The following ENTREP1 variants were observed in gnomAD, a reference collection of about 807,000 sequenced individuals.
ENTREP1 encodes the protein endosomal transmembrane epsin interactor 1.
chr9:69,338,192 A>C, the ENTREP1 span, among the ~76,000 whole-genome samples: 1 of 152,220 alleles, frequency 6.6e-6, no homozygotes, highest in African/African-American at 2.4e-5. Context: ...AGAGAAATTG[A>C]AACTTTGGAT....
chr9:69,346,035 G>A, the ENTREP1 span, among the ~76,000 whole-genome samples: 4 of 151,762 alleles, frequency 2.6e-5, no homozygotes, highest in East Asian at 7.8e-4. Context: ...AGGCTGGAGT[G>A]CAGTGGTGGC....
At chr9:69,338,640 C>T in the ENTREP1 span, among the ~76,000 whole-genome samples, 2 of 152,176 alleles carry the variant, frequency 1.3e-5, no homozygotes, top group South Asian at 2.1e-4. Context: ...AGTATATGCA[C>T]TTTGTCACAA....
the ENTREP1 span, among the ~76,000 whole-genome samples, chr9:69,353,909 C>T: frequency 0.79 from 120,752 of 151,958 alleles, 48,101 homozygotes; most frequent in South Asian, 0.87. Flanking sequence ...AAATATACCC[C>T]GAAGTTGAGA....
the ENTREP1 span, among the ~76,000 whole-genome samples, chr9:69,340,748 T>C: frequency 1.7e-5 from 2 of 115,038 alleles, no homozygotes; most frequent in East Asian, 2.4e-4. Flanking sequence ...TGTGTGTGTT[T>C]GTGTGTGTGC....
chr9:69,359,181 C>T, the ENTREP1 span, among the ~76,000 whole-genome samples: 1 of 152,140 alleles, frequency 6.6e-6, no homozygotes, highest in African/African-American at 2.4e-5. Context: ...GCTGGGATTA[C>T]AGACGTGAGC....
the ENTREP1 span, chr9:69,325,418 C>T: frequency 5.0e-6 from 5 of 998,216 alleles, no homozygotes; most frequent in East Asian, 3.8e-4. Flanking sequence ...TCAGGAGCCG[C>T]CGCTGCCCCC....
chr9:69,379,620 CG>C, the ENTREP1 span: 4 of 152,176 alleles, frequency 2.6e-5, no homozygotes, highest in African/African-American at 9.7e-5. Context: ...ATCTTAGCGC[CG>C]TCTCAGGCTG....
the ENTREP1 span, among the ~76,000 whole-genome samples, chr9:69,330,045 A>C: frequency 2.0e-4 from 10 of 50,856 alleles, no homozygotes; most frequent in East Asian, 1.0e-3. Context: ...GGGGTATGGG[A>C]GTTAATGTTA....
At chr9:69,343,372 G>A in the ENTREP1 span, among the ~76,000 whole-genome samples, 2 of 152,204 alleles carry the variant, frequency 1.3e-5, no homozygotes, top group Non-Finnish European at 2.9e-5. Context: ...AGGGAGAGCA[G>A]CTCTTTGCCA....
chr9:69,388,106 A>G, the ENTREP1 span: 25 of 1,613,394 alleles, frequency 1.5e-5, no homozygotes, highest in East Asian at 5.6e-4. Flanking sequence ...GTACAGGCAT[A>G]TGTTCAAAAG....
chr9:69,324,860 G>A, the ENTREP1 span: 1 of 985,334 alleles, frequency 1.0e-6, no homozygotes, highest in Non-Finnish European at 1.2e-6. Flanking sequence ...AGCTCGGCGG[G>A]TGGGGACAGA....
chr9:69,382,422 C>T, the ENTREP1 span: 1 of 152,192 alleles, frequency 6.6e-6, no homozygotes, highest in African/African-American at 2.4e-5. Flanking sequence ...GCTAGTGCCT[C>T]GCTTCCAACT....
the ENTREP1 span, among the ~76,000 whole-genome samples, chr9:69,354,521 G>A: frequency 6.6e-6 from 1 of 152,180 alleles, no homozygotes. Flanking sequence ...GCCTCCCAAA[G>A]TGCTGGGATT....
the ENTREP1 span, chr9:69,388,152 C>G: frequency 6.2e-7 from 1 of 1,613,972 alleles, no homozygotes; most frequent in Non-Finnish European, 8.5e-7. Context: ...TTGTTTCTGC[C>G]CACAGCTGCC....
chr9:69,391,557 GTAAAGCTTAC>G, the ENTREP1 span: 2 of 1,567,434 alleles, frequency 1.3e-6, no homozygotes, highest in Non-Finnish European at 1.8e-6. Context: ...GCCACATCTG[GTAAAGCTTAC>G]TTAACTTCTC....
the ENTREP1 span, among the ~76,000 whole-genome samples, chr9:69,379,418 G>A: frequency 6.6e-6 from 1 of 152,202 alleles, no homozygotes; most frequent in Non-Finnish European, 1.5e-5. Context: ...GGTGACAGGT[G>A]GCCTGGGCTA....
chr9:69,384,493 T>C, the ENTREP1 span, among the ~76,000 whole-genome samples: 1 of 152,228 alleles, frequency 6.6e-6, no homozygotes, highest in Non-Finnish European at 1.5e-5. Context: ...GCTAGACTTT[T>C]GTCAGGGGAA....
At chr9:69,346,586 A>G in the ENTREP1 span, among the ~76,000 whole-genome samples, 30 of 152,088 alleles carry the variant, frequency 2.0e-4, no homozygotes, top group African/African-American at 6.3e-4. Context: ...TTTTACTTTT[A>G]TGTTGTCAGT....
At chr9:69,362,921 T>A in the ENTREP1 span, among the ~76,000 whole-genome samples, 1 of 152,170 alleles carries the variant, frequency 6.6e-6, no homozygotes, top group Non-Finnish European at 1.5e-5. Context: ...CACCTCAGCT[T>A]GCAGACAGCC....
Sources: gnomAD v4.1 joint callset for allele counts (sites outside exome capture counted in the v4.1 genomes callset) on GRCh38, gnomAD v4.1.1 for gene constraint, MANE v1.5 for transcripts, NCBI Gene and HGNC (gene_info 2026-07-23, HGNC 2026-07-21) for gene names.